The following CD163L1 variants were observed in gnomAD, a reference collection of about 807,000 sequenced individuals.
CD163L1 encodes the protein CD163 molecule like 1, also known as scavenger receptor cysteine-rich type 1 protein M160.
A neutral mutation model predicts 165.4 loss-of-function variants in CD163L1; 124 were observed. The ratio of observed to expected loss-of-function variants is 0.75; its 90% CI spans 0.65 to 0.87. The LOEUF is 0.87. Among genes scored for constraint, CD163L1 ranks in the 40% least tolerant of loss-of-function variants. The probability of loss-of-function intolerance (pLI) is 0.00; values close to 1 mark genes in which losing one functional copy is unlikely to be tolerated. For missense variants in CD163L1, 1,525 were observed against 1,799.9 expected, an observed-to-expected ratio of 0.85 and a Z score of 2.76; for synonymous variants, 585 against 662.2, an observed-to-expected ratio of 0.88 and a Z score of 1.79.
In CD163L1 at chr12:7,357,496, A is replaced by G. The variant is rs1381133176; in HGVS notation, c.4280-10T>C. On this transcript the variant is annotated splice_polypyrimidine_tract_variant and intron_variant, in intron 18 of 19. Coordinates refer to ENST00000313599, the MANE Select transcript of CD163L1 (RefSeq NM_174941.6). The stretch of plus-strand genomic sequence containing the variant: ...TGGTTGGGGGTGTCATCTGAAAGAA[A>G]GGCAAAATCTGTATTATTGAATAGT... 1 of 1,611,628 alleles carries G rather than the reference A, an allele frequency of 6.2e-7. No individual in the cohort carries two copies. Among genetic ancestry groups the G allele is most frequent in the Admixed American group, 1.7e-5 (1 of 59,848 alleles).
rs1266491083 is a variant in CD163L1, at chr12:7,379,177, A to G, written c.2172T>C (p.Ala724=). ...ATTCAAGTTGCCTGCAAACAACTTC[A>G]GCAATGTTCATTCCCCAGCCATTAG... ...LCANGWGMNI[A]EVVCRQLECG... is the part of the protein sequence containing the mutation. The change falls in exon 9 of 20, where the codon GCT becomes GCC. Residue 724 remains alanine, a synonymous_variant. Transcript: ENST00000313599. 6.2e-7 allele frequency: 1 copy of G among 1,614,178 alleles called. No individual in the cohort carries two copies. The highest frequency in any genetic ancestry group is 2.2e-5 in the East Asian group (1 of 44,890).
At chr12:7,343,902 G>C (rs1358689866), downstream of CD163L1, among the ~76,000 whole-genome samples, 1 of 152,126 alleles carries the variant, frequency 6.6e-6, no homozygotes, top group African/African-American at 2.4e-5. Context: ...GTCTCATCTG[G>C]AGATAAGTTA....
the CD163L1 span, among the ~76,000 whole-genome samples, chr12:7,338,790 C>T: frequency 6.6e-6 from 1 of 152,126 alleles, no homozygotes; most frequent in Admixed American, 6.6e-5. Flanking sequence ...CCCATTGTGT[C>T]TGAAGTTGTG....
In CD163L1 at chr12:7,416,602, G is replaced by C. The variant is rs142971317; in HGVS notation, c.767-9750C>G. 1.4e-4 allele frequency among the ~76,000 whole-genome samples: 21 copies of C among 152,248 alleles called. No homozygotes were observed. In the East Asian group the frequency reaches 2.5e-3, roughly 18 times the overall value. On this transcript the variant is annotated intron_variant, in intron 4 of 19. Transcript: ENST00000313599. ...TCTTGAATTAATTTTTGTATAAGGT[G>C]TAAGGAAGGGTTCCAGTTTCAGTTT...
intron 4 of CD163L1, among the ~76,000 whole-genome samples, chr12:7,421,044 T>TATAC (rs1948349293): frequency 1.0e-5 from 1 of 99,934 alleles, no homozygotes; most frequent in African/African-American, 4.8e-5. Flanking sequence ...TACGTGTATA[T>TATAC]ATATGTATAT....
At chr12:7,358,311 C>T (rs1393591359) in intron 18 of CD163L1, among the ~76,000 whole-genome samples, 1 of 152,052 alleles carries the variant, frequency 6.6e-6, no homozygotes, top group Non-Finnish European at 1.5e-5. Context: ...AGAAGCCCTA[C>T]CAAGTTATCA....
Position 7,375,995 on chromosome 12 carries a change from C to A in CD163L1, c.2391G>T (p.Leu797=). 6.2e-7 allele frequency: 1 copy of A among 1,613,738 alleles called. No individual in the cohort carries two copies. The highest frequency in any genetic ancestry group is 8.5e-7 in the Non-Finnish European group (1 of 1,179,734). ...LICSAHRQPR[L]VGADMPCSGR... is the part of the protein sequence containing the mutation. ...CAGAGCAGGGCATATCAGCTCCAAC[C>A]AGCCTGGGCTGCCTGTGGGCTATAA... Residue 797 remains leucine (L), a synonymous_variant, in exon 10 of 20, where the codon CTG becomes CTT. Transcript: ENST00000313599.
intron 8 of CD163L1, among the ~76,000 whole-genome samples, chr12:7,382,819 T>C (rs1457513534): frequency 6.6e-6 from 1 of 152,148 alleles, no homozygotes; most frequent in Non-Finnish European, 1.5e-5. Context: ...TCTCTACATG[T>C]CTAGAGCCCC....
chr12:7,396,518 T>C, intron 7 of CD163L1, 103 bp from the exon 8 acceptor site: 1 of 1,081,592 alleles, frequency 9.2e-7, no homozygotes, highest in Non-Finnish European at 1.3e-6. Context: ...CAAACACCAG[T>C]CTAGATGGTG....
chr12:7,378,168 A>T (rs1443310161), intron 9 of CD163L1, among the ~76,000 whole-genome samples: 2 of 152,286 alleles, frequency 1.3e-5, no homozygotes, highest in East Asian at 3.9e-4. Context: ...TTATTTCCAC[A>T]TTCAGTGTAT....
At chr12:7,355,788 G>A (rs1946761465) in intron 19 of CD163L1, among the ~76,000 whole-genome samples, 1 of 152,064 alleles carries the variant, frequency 6.6e-6, no homozygotes, top group African/African-American at 2.4e-5. Flanking sequence ...ACAGACCAAG[G>A]GATGACCATC....
the CD163L1 span, among the ~76,000 whole-genome samples, chr12:7,320,134 G>A: frequency 1.3e-5 from 2 of 152,148 alleles, no homozygotes; most frequent in Non-Finnish European, 2.9e-5. Flanking sequence ...TCTCCAGAAG[G>A]AGGAGCTCTA....
At chr12:7,383,328 CCTGCCCAGCA>C (rs1362677516) in intron 8 of CD163L1, among the ~76,000 whole-genome samples, 1 of 152,170 alleles carries the variant, frequency 6.6e-6, no homozygotes, top group Non-Finnish European at 1.5e-5. Context: ...TGGAGAATTG[CCTGCCCAGCA>C]CTGCTAGCAC....
In CD163L1 at chr12:7,369,730, G is replaced by T. The variant is rs1947107403; in HGVS notation, c.3731-65C>A. 2.1e-6 allele frequency: 3 copies of T among 1,441,880 alleles called. No homozygotes were observed. Among genetic ancestry groups the T allele is most frequent in the Non-Finnish European group, 2.9e-6 (3 of 1,050,514 alleles). The allele number at this position is 1,441,880 out of a possible 1,614,324, so 89.3% of individuals were successfully genotyped here. On this transcript the variant is annotated intron_variant, in intron 14 of 19. Coordinates refer to ENST00000313599, the MANE Select transcript of CD163L1 (RefSeq NM_174941.6). This position sits in a 1 kb window ranked among gnomAD's most constrained non-coding sequence, Gnocchi z 4.9. ...GAGGTTGTGGGAGAATGCTGAGGTA[G>T]AAAAACTTGAAAGTAGCAAATGTGC...
chr12:7,389,962 A>ATATATATATTTT (rs1555197847), intron 8 of CD163L1, among the ~76,000 whole-genome samples: 1 of 140,644 alleles, frequency 7.1e-6, no homozygotes. Flanking sequence ...ATATATATTT[A>ATATATATATTTT]TATATATATA....
Position 7,376,006 on chromosome 12 carries a change from G to T in CD163L1, c.2380C>A (p.Gln794Lys). The change falls in exon 10 of 20, where the codon CAG (glutamine) becomes AAG (lysine). Residue 794 changes from glutamine to lysine, a missense_variant. Coordinates refer to ENST00000313599, the MANE Select transcript of CD163L1 (RefSeq NM_174941.6). Reference protein sequence around the residue: ...EASLICSAHRQPRLVGADMPC... With the variant: ...EASLICSAHRKPRLVGADMPC... ...ATATCAGCTCCAACCAGCCTGGGCT[G>T]CCTGTGGGCTATAAAATAATATTTC... 6.2e-7 allele frequency: 1 copy of T among 1,612,238 alleles called. No individual in the cohort carries two copies. The highest frequency in any genetic ancestry group is 8.5e-7 in the Non-Finnish European group (1 of 1,179,134).
At chr12:7,363,349 G>A (rs1208672461) in intron 18 of CD163L1, among the ~76,000 whole-genome samples, 3 of 151,218 alleles carry the variant, frequency 2.0e-5, no homozygotes, top group Non-Finnish European at 4.4e-5. Context: ...CAAATAAAGA[G>A]GCTAATGGTG....
chr12:7,393,055 C>T (rs554509958), intron 8 of CD163L1, among the ~76,000 whole-genome samples: 5 of 152,128 alleles, frequency 3.3e-5, no homozygotes, highest in Non-Finnish European at 7.4e-5. Context: ...AAAAGGAATC[C>T]TCCCTAACTC....
chr12:7,391,101 C>T (rs774081301), intron 8 of CD163L1, among the ~76,000 whole-genome samples: 6 of 152,244 alleles, frequency 3.9e-5, no homozygotes, highest in African/African-American at 1.4e-4. Flanking sequence ...CTCCAGCAAA[C>T]TCCAACAGGC....
Sources: allele counts gnomAD v4.1 joint callset (sites outside exome capture counted in the v4.1 genomes callset), GRCh38; gene constraint gnomAD v4.1.1; non-coding constraint Gnocchi (gnomAD v3.1); transcripts MANE v1.5; gene names NCBI Gene and HGNC (gene_info 2026-07-23, HGNC 2026-07-21).